The following SCN1A variants were observed in gnomAD, a reference collection of about 807,000 sequenced individuals.
The protein encoded by SCN1A is sodium channel protein type 1 subunit alpha.
Under a neutral mutation model 193.7 loss-of-function variants are expected in SCN1A, and 13 were observed. That is an observed-to-expected ratio of 0.07 (90% CI 0.04 to 0.11). The LOEUF is 0.11. Among genes scored for constraint, SCN1A ranks in the 10% least tolerant of loss-of-function variants. The probability of loss-of-function intolerance (pLI) is 1.00; values close to 1 mark genes in which losing one functional copy is unlikely to be tolerated. For synonymous variants in SCN1A, 781 were observed against 843.6 expected, an observed-to-expected ratio of 0.93 and a Z score of 1.29; for missense variants, 1,432 against 2,451.1, an observed-to-expected ratio of 0.58 and a Z score of 8.78.
At position 166,015,651 on chromosome 2, in the gene SCN1A, A is replaced by G. The variant is rs1380673643; in HGVS notation, c.3506T>C (p.Val1169Ala). Residue 1169 changes from valine to alanine, a missense_variant, in exon 20 of 29, where the codon GTG (valine) becomes GCG (alanine). Val to Ala is a moderately conservative substitution (Grantham distance 64). Around this residue, in one of 18 missense-constraint regions of SCN1A, gnomAD observed 198 missense variants for 225.8 expected, o/e 0.88. Transcript: ENST00000674923. ...TGGTTCAAGAGTTTCTTCAGGTTCC[A>G]CTACGGGCTGTTCTTCTACAGGTGC... ...IGAPVEEQPV[V>A]EPEETLEPEA... The G allele has an allele frequency of 3.1e-6, 5 of 1,612,838 alleles. No individual in the cohort carries two copies. Among genetic ancestry groups the G allele is most frequent in the Non-Finnish European group, 4.2e-6 (5 of 1,179,070 alleles).
rs1194117830 is a variant in SCN1A, at chr2:166,013,888, T to G, written c.3561A>C (p.Gln1187His). 1.9e-6 allele frequency: 3 copies of G among 1,611,708 alleles called. No homozygotes were observed. The highest frequency in any genetic ancestry group is 4.5e-5 in the East Asian group (2 of 44,828). ...CATTGATTTGACAACACTTGAATCT[T>G]TGTACACAGCCTGCAGAAAGTGTTG... ...PEACFTEGCV[Q>H]RFKCCQINVE... Residue 1187 changes from glutamine to histidine, a missense_variant, in exon 21 of 29, where the codon CAA becomes CAC. By Grantham distance (24) the Gln-to-His change is conservative. Coordinates refer to ENST00000674923, the MANE Select transcript of SCN1A (RefSeq NM_001165963.4).
At chr2:166,026,110 T>G (rs923943962) in intron 19 of SCN1A, among the ~76,000 whole-genome samples, 1 of 152,096 alleles carries the variant, frequency 6.6e-6, no homozygotes, top group African/African-American at 2.4e-5. Flanking sequence ...TATGGTTACT[T>G]TTATAGAAAT....
At chr2:166,104,927 C>G (rs115420667) in intron 2 of SCN1A, among the ~76,000 whole-genome samples, 1,866 of 152,132 alleles carry the variant, frequency 0.012, 44 homozygotes, top group African/African-American at 0.041. Flanking sequence ...GTATCATGGT[C>G]CTGAAAAAAG....
intron 19 of SCN1A, among the ~76,000 whole-genome samples, chr2:166,034,235 A>G (rs973947649): frequency 1.3e-5 from 2 of 152,176 alleles, no homozygotes; most frequent in Admixed American, 1.3e-4. Flanking sequence ...TTAACTAAGC[A>G]GCTCTAATGC....
At chr2:166,093,590 G>T (rs1380146293) in intron 2 of SCN1A, among the ~76,000 whole-genome samples, 1 of 152,028 alleles carries the variant, frequency 6.6e-6, no homozygotes, top group Non-Finnish European at 1.5e-5. Flanking sequence ...CGATCCACCC[G>T]CCTCGGCCTC....
chr2:166,042,595 A>G (rs1697316056), intron 14 of SCN1A, among the ~76,000 whole-genome samples, 171 bp from the exon 15 acceptor site: 1 of 152,222 alleles, frequency 6.6e-6, no homozygotes, highest in African/African-American at 2.4e-5. Flanking sequence ...GGAATGTTCA[A>G]ACTGTTAACC....
At chr2:166,042,023 T>A (rs1287998586) in intron 15 of SCN1A, among the ~76,000 whole-genome samples, 1 of 152,234 alleles carries the variant, frequency 6.6e-6, no homozygotes, top group African/African-American at 2.4e-5. Flanking sequence ...CTAATGAGAT[T>A]AGAAACCCCT....
intron 2 of SCN1A, among the ~76,000 whole-genome samples, chr2:166,107,985 A>G (rs1351715742): frequency 6.6e-6 from 1 of 152,136 alleles, no homozygotes; most frequent in Non-Finnish European, 1.5e-5. Context: ...CCTTCAAAAG[A>G]CAACATCAAA....
At chr2:166,027,199 C>T (rs1694910985) in intron 19 of SCN1A, 1 of 152,250 alleles carries the variant, frequency 6.6e-6, no homozygotes, top group South Asian at 2.1e-4. Flanking sequence ...CCAGGGCATT[C>T]AATAACCACT....
chr2:166,073,289 G>T, intron 4 of SCN1A, 69 bp downstream of exon 4: 2 of 1,570,194 alleles, frequency 1.3e-6, no homozygotes, highest in Non-Finnish European at 1.7e-6. Context: ...GGCATGTGTT[G>T]GTGCTACAAC....
chr2:166,106,879 C>G (rs1423359100), intron 2 of SCN1A, among the ~76,000 whole-genome samples: 1 of 152,116 alleles, frequency 6.6e-6, no homozygotes, highest in Non-Finnish European at 1.5e-5. Flanking sequence ...ACGTTATGCT[C>G]ACGGTCTAAG....
chr2:166,021,501 TAAAC>T (rs1469334323), intron 19 of SCN1A, among the ~76,000 whole-genome samples: 2 of 151,938 alleles, frequency 1.3e-5, no homozygotes, highest in East Asian at 1.9e-4. Context: ...AAAATTAAAT[TAAAC>T]AAATAGTAAA....
rs1418921308 is a variant in SCN1A at position 165,986,744 on chromosome 2, A to C, written c.*4501T>G. On this transcript the variant is annotated 3_prime_UTR_variant, in exon 29 of 29. Coordinates refer to ENST00000674923, the MANE Select transcript of SCN1A (RefSeq NM_001165963.4). Reference sequence around the variant, plus strand: ...CCTTTCTAAAGACACACACACATCTATACTTTTATCTATGTCTGTTTACAT... The same window carrying C: ...CCTTTCTAAAGACACACACACATCTCTACTTTTATCTATGTCTGTTTACAT... 1.3e-5 allele frequency: 2 copies of C among 151,326 alleles called. No homozygotes were observed. Among genetic ancestry groups the C allele is most frequent in the Non-Finnish European group, 2.9e-5 (2 of 67,822 alleles). The allele number at this position is 151,326 out of a possible 1,614,324, so 9.4% of individuals were successfully genotyped here. A position where few individuals can be genotyped will look rare whatever the true frequency, so the allele number is the denominator to read the frequency against.
In SCN1A at chr2:165,999,657, T is replaced by G. The variant is rs1690554657; in HGVS notation, c.4338+66A>C. 5 of 1,155,900 alleles carry G rather than the reference T, an allele frequency of 4.3e-6. No homozygotes were observed. In the South Asian group the frequency reaches 4.9e-5, roughly 11 times the overall value. 71.6% of individuals were successfully genotyped at this position (1,155,900 alleles called of 1,614,324 possible). On this transcript the variant is annotated intron_variant, in intron 25 of 28. Coordinates refer to ENST00000674923, the MANE Select transcript of SCN1A (RefSeq NM_001165963.4). ...AATCATTTCATTTGGTCGTTTATGC[T>G]TTATTCGATTAATTTTACCACCTGA... is the stretch of plus-strand genomic sequence containing the variant.
intron 19 of SCN1A, among the ~76,000 whole-genome samples, chr2:166,029,664 C>T (rs898096153): frequency 2.0e-5 from 3 of 152,112 alleles, no homozygotes; most frequent in Non-Finnish European, 4.4e-5. Context: ...GAAGTAACTG[C>T]CCATCACCTA....
At chr2:166,046,213 A>G (rs1467400658) in intron 12 of SCN1A, among the ~76,000 whole-genome samples, 1 of 152,190 alleles carries the variant, frequency 6.6e-6, no homozygotes, top group Non-Finnish European at 1.5e-5. Flanking sequence ...CTAACACTTC[A>G]CTATAAAAAC....
In SCN1A at chr2:166,073,485, T is replaced by C. The variant is rs1344895276; in HGVS notation, c.137A>G (p.Glu46Gly). The C allele has an allele frequency of 6.2e-7, 1 of 1,614,100 alleles. No homozygotes were observed. The highest frequency in any genetic ancestry group is 8.5e-7 in the Non-Finnish European group (1 of 1,180,038). The change falls in exon 4 of 29, where the codon GAA becomes GGA. Residue 46 changes from glutamate (E) to glycine (G), a missense_variant. Around this residue, in one of 18 missense-constraint regions of SCN1A, gnomAD observed 55 missense variants for 58.4 expected, o/e 0.94. Transcript: ENST00000674923. The stretch of plus-strand genomic sequence containing the variant: ...GTCACTATTTGGCTTTGGGCCATTT[T>C]CGTCGTCATCTTTTTTGTCTGGTTT... ...NPKPDKKDDD[E>G]NGPKPNSDLE...
intron 23 of SCN1A, among the ~76,000 whole-genome samples, chr2:166,008,045 G>A (rs192862160): frequency 5.0e-4 from 75 of 151,334 alleles, no homozygotes; most frequent in African/African-American, 1.6e-3. Context: ...GAGGAATAGA[G>A]CCATATTCAT....
intron 2 of SCN1A, among the ~76,000 whole-genome samples, chr2:166,091,854 C>T (rs1489008092): frequency 6.6e-6 from 1 of 152,136 alleles, no homozygotes; most frequent in African/African-American, 2.4e-5. Flanking sequence ...ACAGTGTGCT[C>T]AGTAATTTTT....
Sources: gnomAD v4.1 joint callset for allele counts (sites outside exome capture counted in the v4.1 genomes callset) on GRCh38, gnomAD v4.1.1 for gene constraint, gnomAD v4.1.1 regional missense constraint, MANE v1.5 for transcripts, NCBI Gene and HGNC (gene_info 2026-07-23, HGNC 2026-07-21) for gene names.